Variants in TPO observed in about 807,000 individuals in gnomAD.
The protein encoded by TPO is thyroid peroxidase.
Under a neutral mutation model 96.9 loss-of-function variants are expected in TPO, and 78 were observed. The ratio of observed to expected loss-of-function variants is 0.81; its 90% CI spans 0.67 to 0.97. The LOEUF is 0.97. Among genes scored for constraint, TPO ranks in the 50% least tolerant of loss-of-function variants. The pLI is 0.00. For missense variants in TPO, 1,252 were observed against 1,274.8 expected (o/e 0.98, Z 0.27); for synonymous variants, 547 against 538.0 (o/e 1.02, Z -0.23).
At chr2:1,495,842 T>C in intron 11 of TPO, 147 bp from the exon 12 acceptor site, 1 of 875,122 alleles carries the variant, frequency 1.1e-6, no homozygotes, top group South Asian at 1.6e-5. Context: ...CCTCAGCGCC[T>C]GCACCTGTGT....
At chr2:1,496,310 C>A in intron 12 of TPO, 113 bp downstream of exon 12, 1 of 1,301,130 alleles carries the variant, frequency 7.7e-7, no homozygotes, top group Non-Finnish European at 1.1e-6. Flanking sequence ...ATAGTGTCAA[C>A]GCCCTGCCTT....
At chr2:1,454,144 C>T (rs1231789826) in intron 6 of TPO, among the ~76,000 whole-genome samples, 1 of 150,488 alleles carries the variant, frequency 6.6e-6, no homozygotes, top group Non-Finnish European at 1.5e-5. Context: ...CTAGGTACAT[C>T]CCAAGATGAT....
intron 1 of TPO, among the ~76,000 whole-genome samples, chr2:1,380,622 A>G (rs531285115): frequency 3.5e-4 from 54 of 152,300 alleles, no homozygotes; most frequent in African/African-American, 1.3e-3. Flanking sequence ...ATTTACCTAA[A>G]AACTGAAGTG....
intron 15 of TPO, among the ~76,000 whole-genome samples, chr2:1,531,915 ACCCCCACTGTGTGCAACCTCCTCAAATC>A (rs1245453415): frequency 3.9e-5 from 1 of 25,542 alleles, no homozygotes; most frequent in East Asian, 1.0e-3. Context: ...TCCTCAAATC[ACCCCCACTGTGTGCAACCTCCTCAAATC>A]CCCCCACTGC....
chr2:1,466,934 T>C (rs1668952294), intron 7 of TPO, among the ~76,000 whole-genome samples: 2 of 152,130 alleles, frequency 1.3e-5, no homozygotes, highest in South Asian at 4.2e-4. Context: ...GGTTTGGGTT[T>C]GGTTTGTTCT....
intron 2 of TPO, among the ~76,000 whole-genome samples, chr2:1,422,668 G>T (rs905114222): frequency 2.0e-5 from 3 of 152,160 alleles, no homozygotes; most frequent in African/African-American, 7.2e-5. Flanking sequence ...CTGGTATAGT[G>T]GAATTATTTT....
upstream of TPO, among the ~76,000 whole-genome samples, chr2:1,410,841 A>G (rs1213798840): frequency 6.6e-6 from 1 of 152,058 alleles, no homozygotes; most frequent in African/African-American, 2.4e-5. Context: ...TAATGGGAGA[A>G]GACGTGTATT....
intron 7 of TPO, among the ~76,000 whole-genome samples, chr2:1,474,063 G>A (rs1325859082): frequency 2.6e-5 from 4 of 152,026 alleles, no homozygotes; most frequent in Admixed American, 6.6e-5. Context: ...CAATGATAGC[G>A]GGAGTTTCTG....
rs566725502 is a variant in TPO, at chr2:1,425,737, T to A, written c.179+2608T>A. Among the ~76,000 whole-genome samples the A allele has an allele frequency of 2.0e-5, 3 of 152,332 alleles. No individual in the cohort carries two copies. The South Asian group carries it at 6.2e-4, about 32-fold the overall frequency. Reference sequence around the variant, plus strand: ...TTCTATCCTCAGAAGTCTGTACTCCTTCTGTAAAGTCATTGTTCTAGATGC... The same window carrying A: ...TTCTATCCTCAGAAGTCTGTACTCCATCTGTAAAGTCATTGTTCTAGATGC... On this transcript the variant is annotated intron_variant, in intron 3 of 16. Transcript: ENST00000329066.
At chr2:1,390,003 G>T (rs1048437034) in intron 1 of TPO, among the ~76,000 whole-genome samples, 14 of 149,516 alleles carry the variant, frequency 9.4e-5, no homozygotes, top group African/African-American at 1.5e-4. Flanking sequence ...AGGTTAAGTG[G>T]TTATTTCTTT....
intron 16 of TPO, chr2:1,541,065 T>C: frequency 8.0e-7 from 1 of 1,247,984 alleles, no homozygotes; most frequent in Non-Finnish European, 1.0e-6. Context: ...TTTTAAATTC[T>C]GATTTTTAAG....
chr2:1,494,051 T>C lies in TPO; in HGVS notation c.2006+12T>C. ...CGGGACGGTGACTGGTACGTTCCTA[T>C]CCAGAGCGTCTTCCTTCACGTTCTG... On this transcript the variant is annotated intron_variant, in intron 11 of 16. Transcript: ENST00000329066. 1 of 1,612,862 alleles carries C rather than the reference T, an allele frequency of 6.2e-7. No individual in the cohort carries two copies. Among genetic ancestry groups the C allele is most frequent in the Non-Finnish European group, 8.5e-7 (1 of 1,178,968 alleles).
At chr2:1,422,358 C>CCGCGCTGGACAGACCTCGTGCAGGT in intron 2 of TPO, among the ~76,000 whole-genome samples, 2 of 106,144 alleles carry the variant, frequency 1.9e-5, no homozygotes, top group South Asian at 3.7e-4. Context: ...CTCGTGCAGG[C>CCGCGCTGGACAGACCTCGTGCAGGT]GCCGCGCTGG....
At chr2:1,516,552 G>A (rs1469742334) in intron 14 of TPO, among the ~76,000 whole-genome samples, 3 of 152,190 alleles carry the variant, frequency 2.0e-5, no homozygotes, top group Non-Finnish European at 4.4e-5. Context: ...CACTCCGAGG[G>A]CACTGAGAGC....
At chr2:1,491,189 C>CT (rs202175754) in intron 10 of TPO, among the ~76,000 whole-genome samples, 2,286 of 151,318 alleles carry the variant, frequency 0.015, 57 homozygotes, top group African/African-American at 0.052. Flanking sequence ...CAAAAAAACA[C>CT]TTTTTTTTGC....
intron 2 of TPO, among the ~76,000 whole-genome samples, chr2:1,422,200 G>A (rs940361269): frequency 5.4e-4 from 80 of 147,230 alleles, no homozygotes; most frequent in Non-Finnish European, 1.1e-3. Context: ...ACGGAGCAGG[G>A]CAGAGTGAGC....
chr2:1,495,010 A>C (rs958578832), intron 11 of TPO, among the ~76,000 whole-genome samples: 2 of 152,194 alleles, frequency 1.3e-5, no homozygotes, highest in African/African-American at 2.4e-5. Context: ...TCTCTGGGAC[A>C]TGGGAAGCCA....
chr2:1,524,729 T>G lies in TPO; in HGVS notation c.2618+7747T>G, dbSNP rs1676038593. Among the ~76,000 whole-genome samples the G allele has an allele frequency of 2.0e-5, 2 of 101,584 alleles. 1 individual carries two copies. Among genetic ancestry groups the G allele is most frequent in the Non-Finnish European group, 3.8e-5 (2 of 51,958 alleles). The allele number at this position is 101,584 out of a possible 152,430, so 66.6% of individuals were successfully genotyped here. ...AACTCCCCACATTCCCCCCAGTGTG[T>G]GCAACCTTTACAACTCTACTCACTG... On this transcript the variant is annotated intron_variant, in intron 15 of 16. Coordinates refer to ENST00000329066, the MANE Select transcript of TPO (RefSeq NM_001206744.2).
intron 5 of TPO, among the ~76,000 whole-genome samples, chr2:1,441,728 T>A (rs1422954832): frequency 1.3e-5 from 2 of 152,148 alleles, no homozygotes; most frequent in Admixed American, 1.3e-4. Context: ...CACTTGCAGG[T>A]TGCCTTTGCT....
Sources: allele counts gnomAD v4.1 joint callset (sites outside exome capture counted in the v4.1 genomes callset), GRCh38; gene constraint gnomAD v4.1.1; transcripts MANE v1.5; gene names NCBI Gene and HGNC (gene_info 2026-07-23, HGNC 2026-07-21).